SGCZ: variants seen among roughly 807,000 people sequenced by gnomAD.
The protein encoded by SGCZ is zeta-sarcoglycan.
In SGCZ, 40 loss-of-function variants were observed where a neutral mutation model predicts 41.3. The ratio of observed to expected loss-of-function variants is 0.97; its 90% CI spans 0.75 to 1.26. The LOEUF (loss-of-function observed/expected upper bound fraction) is 1.26. Ranked by LOEUF, SGCZ falls within the 50% of genes most tolerant of loss-of-function variation. The pLI is 0.00. For missense variants in SGCZ, 552 were observed against 369.8 expected (o/e 1.49, Z -4.04); for synonymous variants, 206 against 137.5 (o/e 1.50, Z -3.49).
chr8:14,749,160 A>G (rs977544223), intron 1 of SGCZ, among the ~76,000 whole-genome samples: 7 of 152,306 alleles, frequency 4.6e-5, no homozygotes, highest in Admixed American at 1.3e-4. Context: ...CTGAGATTAT[A>G]TTTATAATTA....
At chr8:14,983,096 T>G (rs763705992) in intron 1 of SGCZ, among the ~76,000 whole-genome samples, 1 of 152,194 alleles carries the variant, frequency 6.6e-6, no homozygotes, top group African/African-American at 2.4e-5. Context: ...AGTTAATACA[T>G]GTTAATAAGA....
intron 3 of SGCZ, among the ~76,000 whole-genome samples, chr8:14,265,030 C>T (rs749482566): frequency 7.2e-5 from 11 of 152,102 alleles, no homozygotes; most frequent in South Asian, 2.1e-4. Context: ...CACTAAATTC[C>T]TAATTTTTCA....
At chr8:14,102,577 TAAACTA>T in intron 6 of SGCZ, 78 bp from the exon 7 acceptor site, 1 of 1,218,138 alleles carries the variant, frequency 8.2e-7, no homozygotes, top group Non-Finnish European at 1.0e-6. Flanking sequence ...AAATTTTTGA[TAAACTA>T]GAAGACAACA....
intron 1 of SGCZ, among the ~76,000 whole-genome samples, chr8:14,765,792 A>G (rs1010593076): frequency 6.6e-6 from 1 of 152,230 alleles, no homozygotes; most frequent in Non-Finnish European, 1.5e-5. Context: ...GCGCAGACAC[A>G]GTAAAAATCC....
chr8:14,209,833 C>A (rs553370707), intron 4 of SGCZ, among the ~76,000 whole-genome samples: 2 of 11,558 alleles, frequency 1.7e-4, no homozygotes, highest in Non-Finnish European at 2.4e-4. Context: ...AAAAATATAA[C>A]CTGTATGATT....
At chr8:14,774,230 C>A (rs1249315654) in intron 1 of SGCZ, among the ~76,000 whole-genome samples, 1 of 152,186 alleles carries the variant, frequency 6.6e-6, no homozygotes, top group African/African-American at 2.4e-5. Flanking sequence ...GGCCTTCAGA[C>A]ATGAACTGCT....
intron 5 of SGCZ, among the ~76,000 whole-genome samples, chr8:14,158,630 G>C (rs745404276): frequency 1.3e-5 from 2 of 152,182 alleles, no homozygotes; most frequent in Non-Finnish European, 2.9e-5. Flanking sequence ...ACTGTTACTG[G>C]AGGCTAGATA....
intron 1 of SGCZ, among the ~76,000 whole-genome samples, chr8:15,226,148 C>T (rs1801764669): frequency 6.6e-6 from 1 of 152,164 alleles, no homozygotes; most frequent in South Asian, 2.1e-4. Context: ...ATTCAAATAT[C>T]TTGGCCTGTC....
chr8:14,879,521 C>T (rs1210605053), intron 1 of SGCZ, among the ~76,000 whole-genome samples: 2 of 151,766 alleles, frequency 1.3e-5, no homozygotes, highest in Non-Finnish European at 2.9e-5. Context: ...CATTGTTTTG[C>T]TCTGAGTTTC....
At chr8:14,877,427 C>G (rs761578522) in intron 1 of SGCZ, among the ~76,000 whole-genome samples, 2 of 152,104 alleles carry the variant, frequency 1.3e-5, no homozygotes, top group African/African-American at 2.4e-5. Flanking sequence ...GATCTAAGCA[C>G]TTATTTATTT....
chr8:15,059,310 A>G (rs960746805), intron 1 of SGCZ, among the ~76,000 whole-genome samples: 1 of 152,200 alleles, frequency 6.6e-6, no homozygotes, highest in Non-Finnish European at 1.5e-5. Context: ...AGCAAAGTCC[A>G]TAGACTAGAT....
intron 2 of SGCZ, among the ~76,000 whole-genome samples, chr8:14,503,895 A>G (rs1048282954): frequency 2.1e-4 from 32 of 152,344 alleles, no homozygotes; most frequent in African/African-American, 7.5e-4. Context: ...AAAACCTTTG[A>G]AGTTTAAAAT....
intron 2 of SGCZ, among the ~76,000 whole-genome samples, chr8:14,429,132 GC>G (rs1239696258): frequency 6.6e-6 from 1 of 152,164 alleles, no homozygotes; most frequent in Non-Finnish European, 1.5e-5. Context: ...CTGTCCCTTT[GC>G]AGTCTACATC....
chr8:14,870,158 C>T lies in SGCZ; in HGVS notation c.40-315232G>A, dbSNP rs560059800. ...GAAAAAAGCTGGAGGCATCACACTACCTGACTTCAAACTATGATACAAGGC... is the reference window on the plus strand; with the variant it reads ...GAAAAAAGCTGGAGGCATCACACTATCTGACTTCAAACTATGATACAAGGC... On this transcript the variant is annotated intron_variant, in intron 1 of 7. Transcript: ENST00000382080. 2.0e-5 allele frequency among the ~76,000 whole-genome samples: 3 copies of T among 152,236 alleles called. No homozygotes were observed. The East Asian group carries it at 5.8e-4, about 29-fold the overall frequency.
In SGCZ at chr8:14,381,804, A is replaced by C. The variant is rs568562255; in HGVS notation, c.235-57600T>G. On this transcript the variant is annotated intron_variant, in intron 2 of 7. Coordinates refer to ENST00000382080, the MANE Select transcript of SGCZ (RefSeq NM_139167.4). ...CTGTCTCAAAAAAAAAACAAAAAACAAAAAACAAACAAACAAAAAACTTTA... is the reference window on the plus strand; with the variant it reads ...CTGTCTCAAAAAAAAAACAAAAAACCAAAAACAAACAAACAAAAAACTTTA... Among the ~76,000 whole-genome samples the C allele has an allele frequency of 2.6e-5, 4 of 152,130 alleles. No individual in the cohort carries two copies. The East Asian group carries it at 7.7e-4, about 29-fold the overall frequency.
chr8:15,108,570 A>G (rs1019273595), intron 1 of SGCZ, among the ~76,000 whole-genome samples: 8 of 152,204 alleles, frequency 5.3e-5, no homozygotes, highest in African/African-American at 1.9e-4. Context: ...TTTTCAATAC[A>G]TTTGATTCAT....
At chr8:14,781,257 G>A (rs1800579060) in intron 1 of SGCZ, among the ~76,000 whole-genome samples, 1 of 151,992 alleles carries the variant, frequency 6.6e-6, no homozygotes, top group South Asian at 2.1e-4. Flanking sequence ...TTTGAGACAA[G>A]GTCTCATTGT....
chr8:14,181,869 G>C (rs981184546), intron 4 of SGCZ, among the ~76,000 whole-genome samples: 2 of 152,106 alleles, frequency 1.3e-5, no homozygotes, highest in Non-Finnish European at 2.9e-5. Flanking sequence ...TAATACACCT[G>C]TTACAATTAT....
At chr8:15,010,328 A>G (rs1365780578) in intron 1 of SGCZ, among the ~76,000 whole-genome samples, 2 of 152,222 alleles carry the variant, frequency 1.3e-5, no homozygotes, top group African/African-American at 4.8e-5. Context: ...CAATTTTACA[A>G]AAGATATAAT....
Sources: allele counts gnomAD v4.1 joint callset (sites outside exome capture counted in the v4.1 genomes callset), GRCh38; gene constraint gnomAD v4.1.1; transcripts MANE v1.5; gene names NCBI Gene and HGNC (gene_info 2026-07-23, HGNC 2026-07-21).